GPC5: variants seen among roughly 807,000 people sequenced by gnomAD.
GPC5 encodes the protein glypican 5, also known as glypican-5.
In GPC5, 47 loss-of-function variants were observed where a neutral mutation model predicts 53.9. That is an observed-to-expected ratio of 0.87 (90% CI 0.69 to 1.11). GPC5 has a LOEUF of 1.11. GPC5 is among the 50% of genes most tolerant of loss of function. GPC5 has a pLI of 0.00. For synonymous variants in GPC5, 286 were observed against 263.3 expected (o/e 1.09, Z -0.84); for missense variants, 748 against 713.1 (o/e 1.05, Z -0.56).
At chr13:92,800,013 A>G (rs1247690438) in intron 7 of GPC5, among the ~76,000 whole-genome samples, 1 of 151,776 alleles carries the variant, frequency 6.6e-6, no homozygotes, top group Non-Finnish European at 1.5e-5. Flanking sequence ...AGAGATAGTA[A>G]TAGCCCTAGA....
chr13:92,468,224 A>G (rs1878775936), intron 7 of GPC5, among the ~76,000 whole-genome samples: 1 of 152,128 alleles, frequency 6.6e-6, no homozygotes, highest in Non-Finnish European at 1.5e-5. Context: ...GTTGGAAACC[A>G]GATAATACAA....
At chr13:91,969,402 T>C (rs2040219782) in intron 6 of GPC5, among the ~76,000 whole-genome samples, 1 of 152,154 alleles carries the variant, frequency 6.6e-6, no homozygotes, top group Admixed American at 6.6e-5. Context: ...AAGGCTTACA[T>C]AGAAATGTAA....
intron 7 of GPC5, among the ~76,000 whole-genome samples, chr13:92,579,696 C>A (rs1230418603): frequency 6.6e-6 from 1 of 152,010 alleles, no homozygotes; most frequent in African/African-American, 2.4e-5. Flanking sequence ...TAACATGTAA[C>A]CCTTTTATTA....
At chr13:92,204,667 T>A (rs557899496) in intron 7 of GPC5, among the ~76,000 whole-genome samples, 3 of 152,216 alleles carry the variant, frequency 2.0e-5, no homozygotes. Flanking sequence ...ATGCTCATAG[T>A]TGTGATTTAT....
intron 5 of GPC5, among the ~76,000 whole-genome samples, chr13:91,766,659 G>A (rs1309925634): frequency 2.0e-5 from 3 of 152,104 alleles, no homozygotes; most frequent in Admixed American, 6.6e-5. Flanking sequence ...TCAGGAGTTC[G>A]AGACCAGCCT....
chr13:92,504,645 A>T (rs557588843), intron 7 of GPC5, among the ~76,000 whole-genome samples: 1 of 152,156 alleles, frequency 6.6e-6, no homozygotes, highest in South Asian at 2.1e-4. Flanking sequence ...GGACACAGAG[A>T]TCAGTGTCAC....
At chr13:91,584,269 A>G (rs1052043506) in intron 2 of GPC5, among the ~76,000 whole-genome samples, 2 of 152,220 alleles carry the variant, frequency 1.3e-5, no homozygotes, top group African/African-American at 4.8e-5. Flanking sequence ...TAAATAAGAT[A>G]CTATTGGTGC....
chr13:91,946,824 G>T (rs112142678), intron 6 of GPC5, among the ~76,000 whole-genome samples: 3,224 of 152,186 alleles, frequency 0.021, 102 homozygotes, highest in African/African-American at 0.074. Flanking sequence ...AGCTTGGCCT[G>T]GTACCTTAGG....
intron 6 of GPC5, among the ~76,000 whole-genome samples, chr13:92,129,135 C>T (rs1239122271): frequency 2.0e-5 from 3 of 152,004 alleles, no homozygotes; most frequent in South Asian, 2.1e-4. Context: ...AGCTCAATAC[C>T]CCTGAAATTT....
At chr13:91,837,525 G>T (rs2038735052) in intron 5 of GPC5, among the ~76,000 whole-genome samples, 1 of 152,092 alleles carries the variant, frequency 6.6e-6, no homozygotes, top group Non-Finnish European at 1.5e-5. Flanking sequence ...AACAAAAAAG[G>T]AAGGAAAAAA....
At chr13:91,462,242 G>A (rs1019230590) in intron 2 of GPC5, among the ~76,000 whole-genome samples, 14 of 152,054 alleles carry the variant, frequency 9.2e-5, no homozygotes, top group Admixed American at 2.0e-4. Flanking sequence ...AAGTTTTGAC[G>A]TCACTTATTC....
intron 5 of GPC5, among the ~76,000 whole-genome samples, chr13:91,835,292 TGTAA>T (rs1411068599): frequency 6.6e-6 from 1 of 151,886 alleles, no homozygotes; most frequent in East Asian, 1.9e-4. Context: ...TTGGTGGGAG[TGTAA>T]GTAAGTTCAA....
chr13:91,972,793 C>A (rs1249533416), intron 6 of GPC5, among the ~76,000 whole-genome samples: 1 of 152,106 alleles, frequency 6.6e-6, no homozygotes, highest in East Asian at 1.9e-4. Context: ...TGAATATTGG[C>A]CCCCACTCTC....
At chr13:92,477,201 T>C (rs534668231) in intron 7 of GPC5, among the ~76,000 whole-genome samples, 8 of 152,248 alleles carry the variant, frequency 5.3e-5, no homozygotes, top group African/African-American at 1.9e-4. Context: ...ACTATGGCTT[T>C]ATATCTGAGT....
chr13:92,203,327 A>G (rs542162576), intron 7 of GPC5, among the ~76,000 whole-genome samples: 4 of 149,028 alleles, frequency 2.7e-5, no homozygotes, highest in African/African-American at 7.5e-5. Context: ...ATGAGTTCAT[A>G]TCCTTTGTAG....
intron 7 of GPC5, among the ~76,000 whole-genome samples, chr13:92,634,443 T>C (rs1389910123): frequency 6.6e-6 from 1 of 152,084 alleles, no homozygotes; most frequent in Non-Finnish European, 1.5e-5. Context: ...TATTCAGTAA[T>C]CTGCTTTGAT....
chr13:91,650,300 C>T (rs1457213294), intron 2 of GPC5, among the ~76,000 whole-genome samples: 4 of 152,118 alleles, frequency 2.6e-5, no homozygotes, highest in Non-Finnish European at 5.9e-5. Flanking sequence ...TCCATGTCTC[C>T]AACTACCAAT....
intron 7 of GPC5, among the ~76,000 whole-genome samples, chr13:92,494,914 C>A (rs1594249575): frequency 6.6e-6 from 1 of 152,116 alleles, no homozygotes; most frequent in Non-Finnish European, 1.5e-5. Context: ...CATTATTATT[C>A]TTGTATTATA....
At chr13:92,636,847 G>T (rs1029654805) in intron 7 of GPC5, among the ~76,000 whole-genome samples, 1 of 152,020 alleles carries the variant, frequency 6.6e-6, no homozygotes, top group East Asian at 1.9e-4. Context: ...AACTTAGTAC[G>T]TGGAAAACTG....
Sources: gnomAD v4.1 joint callset for allele counts (sites outside exome capture counted in the v4.1 genomes callset) on GRCh38, gnomAD v4.1.1 for gene constraint, MANE v1.5 for transcripts, NCBI Gene and HGNC (gene_info 2026-07-23, HGNC 2026-07-21) for gene names.